The following PI4KB variants were observed in gnomAD, a reference collection of about 807,000 sequenced individuals.
PI4KB encodes PtdIns 4-kinase beta.
In PI4KB, 23 loss-of-function variants were observed where a neutral mutation model predicts 81.4. The ratio of observed to expected loss-of-function variants is 0.28; its 90% confidence interval spans 0.20 to 0.40. The LOEUF (loss-of-function observed/expected upper bound fraction) is 0.40, where lower values mean the gene tolerates loss of function less well. PI4KB is among the 10% of genes least tolerant of loss of function. The pLI is 1.00. For missense variants in PI4KB, 651 were observed against 1,036.6 expected (o/e 0.63, Z 5.11); for synonymous variants, 381 against 406.8 (o/e 0.94, Z 0.76).
In PI4KB at chr1:151,299,173, T is replaced by C. The variant is rs748231157; in HGVS notation, c.1750-100A>G. 8.9e-5 allele frequency: 98 copies of C among 1,101,276 alleles called. 1 individual carries two copies. The highest frequency in any genetic ancestry group is 1.1e-4 in the Non-Finnish European group (79 of 748,730). 68.2% of individuals were successfully genotyped at this position (1,101,276 alleles called of 1,614,324 possible). A position where few individuals can be genotyped will look rare whatever the true frequency, so the allele number is the denominator to read the frequency against. ...TCTCCAGCCTCTCTCCTTGGTAGCA[T>C]TGAATTCTAAGCCATCAAATGAGTA... is the stretch of plus-strand genomic sequence containing the variant. On this transcript the variant is annotated intron_variant, in intron 8 of 11. Coordinates refer to ENST00000368873, the MANE Select transcript of PI4KB (RefSeq NM_001369623.2).
chr1:151,302,243 C>G lies in PI4KB; in HGVS notation c.1576G>C (p.Glu526Gln). 1 of 1,614,218 alleles carries G rather than the reference C, an allele frequency of 6.2e-7. No individual in the cohort carries two copies. Among genetic ancestry groups the G allele is most frequent in the African/African-American group, 1.3e-5 (1 of 75,064 alleles). The change falls in exon 7 of 12, where the codon GAA becomes CAA. Residue 526 changes from glutamate (E) to glutamine (Q), a missense_variant. Glu to Gln is a conservative substitution (Grantham distance 29, BLOSUM62 2). This residue lies in a region of PI4KB where 246 missense variants were observed against 430.1 expected (regional missense o/e 0.57). Transcript: ENST00000368873. Reference protein sequence around the residue: ...HTPTAFKRDPEDPSAVALKEP... With the variant: ...HTPTAFKRDPQDPSAVALKEP... Reference sequence around the variant, plus strand: ...TTGAGAGCAACTGCAGAAGGATCTTCTGGGTCTCGTTTGAAGGCTGTCGGG... The same window carrying G: ...TTGAGAGCAACTGCAGAAGGATCTTGTGGGTCTCGTTTGAAGGCTGTCGGG...
In PI4KB at chr1:151,306,166, C is replaced by G. The variant is rs587601328; in HGVS notation, c.1380G>C (p.Ser460=). ...CTTGCAGCTCGCCTATGTCATCCAC[C>G]GACCAGGCCTCATCATCGTTGTCAT... ...PNYDNDDEAW[S]VDDIGELQVE... The change falls in exon 5 of 12, where the codon TCG becomes TCC. Residue 460 remains serine, a synonymous_variant. Coordinates refer to ENST00000368873, the MANE Select transcript of PI4KB (RefSeq NM_001369623.2). 1 of 1,614,096 alleles carries G rather than the reference C, an allele frequency of 6.2e-7. No homozygotes were observed. Among genetic ancestry groups the G allele is most frequent in the Non-Finnish European group, 8.5e-7 (1 of 1,179,970 alleles).
rs370123826 is a variant in PI4KB, at chr1:151,307,565, C to G, written c.1182+9G>C. 1.9e-6 allele frequency: 3 copies of G among 1,596,198 alleles called. No homozygotes were observed. Among genetic ancestry groups the G allele is most frequent in the Non-Finnish European group, 2.6e-6 (3 of 1,164,000 alleles). ...TCCAGGGTAGGGGTTTGGGCCAGAA[C>G]CCATCTACCTTGTCCTTGGAGTTGA... On this transcript the variant is annotated intron_variant, in intron 4 of 11. Transcript: ENST00000368873.
At chr1:151,315,100 TCCCAAGTAGCTGGGATTACACGCG>T (rs1370024734) in intron 2 of PI4KB, among the ~76,000 whole-genome samples, 9 of 152,156 alleles carry the variant, frequency 5.9e-5, no homozygotes, top group African/African-American at 2.2e-4. Context: ...TGTCTCAGCC[TCCCAAGTAGCTGGGATTACACGCG>T]CCCACCACCA....
rs587657819 is a variant in PI4KB at position 151,303,738 on chromosome 1, C to T, written c.1411-88G>A. On this transcript the variant is annotated intron_variant, in intron 5 of 11. Coordinates refer to ENST00000368873, the MANE Select transcript of PI4KB (RefSeq NM_001369623.2). Reference sequence around the variant, plus strand: ...GCTTGCTTGCTATCACTGCAGCATGCTCATCCCTCTCTTTCAAACTCTGCT... The same window carrying T: ...GCTTGCTTGCTATCACTGCAGCATGTTCATCCCTCTCTTTCAAACTCTGCT... 3.9e-5 allele frequency: 33 copies of T among 843,086 alleles called. No individual in the cohort carries two copies. The South Asian group carries it at 4.2e-4, about 11-fold the overall frequency. 52.2% of individuals were successfully genotyped at this position (843,086 alleles called of 1,614,324 possible).
intron 9 of PI4KB, among the ~76,000 whole-genome samples, chr1:151,295,994 C>T (rs750916835): frequency 2.8e-4 from 43 of 152,158 alleles, no homozygotes; most frequent in Admixed American, 4.6e-4. Flanking sequence ...GCCTGTAATC[C>T]CAGCACTTTG....
At chr1:151,313,247 T>G (rs1571197547) in intron 2 of PI4KB, among the ~76,000 whole-genome samples, 1 of 151,964 alleles carries the variant, frequency 6.6e-6, no homozygotes, top group East Asian at 1.9e-4. Flanking sequence ...AACGCAGGAG[T>G]GCCTGGGAAC....
intron 1 of PI4KB, among the ~76,000 whole-genome samples, chr1:151,324,283 G>A (rs1649309465): frequency 6.6e-6 from 1 of 152,144 alleles, no homozygotes; most frequent in African/African-American, 2.4e-5. Context: ...TTAAAGAGAG[G>A]TTGCTCCTCA....
chr1:151,293,703 A>C, intron 11 of PI4KB: 1 of 334,710 alleles, frequency 3.0e-6, no homozygotes, highest in Non-Finnish European at 5.6e-6. Context: ...ATGGAAGGAG[A>C]CTGAGAAACT....
In PI4KB at chr1:151,315,696, G is replaced by A. The variant is rs1056847; in HGVS notation, c.786C>T (p.Asp262=). 1,004,580 of 1,613,602 alleles carry A rather than the reference G, an allele frequency of 0.62. 317,456 individuals are homozygous for A. Among genetic ancestry groups the A allele is most frequent in the Non-Finnish European group, 0.65 (769,256 of 1,179,746 alleles). Residue 262 remains aspartate (D), a synonymous_variant, in exon 2 of 12, where the codon GAC becomes GAT. Transcript: ENST00000368873. ...RELPSLSPAP[D]TGLSPSKRTH... ...TCCTTTTGGAGGGAGACAGCCCTGT[G>A]TCAGGGGCCGGGCTCAAGGAGGGCA... is the stretch of plus-strand genomic sequence containing the variant.
At position 151,315,700 on chromosome 1, in the gene PI4KB, G is replaced by C; in HGVS notation, c.782C>G (p.Pro261Arg). 6.2e-7 allele frequency: 1 copy of C among 1,614,052 alleles called. No individual in the cohort carries two copies. Among genetic ancestry groups the C allele is most frequent in the Non-Finnish European group, 8.5e-7 (1 of 1,179,958 alleles). The change falls in exon 2 of 12, where the codon CCT becomes CGT. Residue 261 changes from proline to arginine, a missense_variant. By Grantham distance (103) the Pro-to-Arg change is moderately radical. Around this residue, in one of 5 missense-constraint regions of PI4KB, gnomAD observed 314 missense variants for 397.8 expected, o/e 0.79. Coordinates refer to ENST00000368873, the MANE Select transcript of PI4KB (RefSeq NM_001369623.2). ...TTTGGAGGGAGACAGCCCTGTGTCA[G>C]GGGCCGGGCTCAAGGAGGGCAGCTC... ...KRELPSLSPAPDTGLSPSKRT... is the reference protein window; with the variant it reads ...KRELPSLSPARDTGLSPSKRT...
At position 151,315,706 on chromosome 1, in the gene PI4KB, G is replaced by A. The variant is rs755803582; in HGVS notation, c.776C>T (p.Pro259Leu). 2.6e-5 allele frequency: 42 copies of A among 1,613,988 alleles called. No homozygotes were observed. The highest frequency in any genetic ancestry group is 4.0e-5 in the African/African-American group (3 of 74,914). Reference protein sequence around the residue: ...HRKRELPSLSPAPDTGLSPSK... With the variant: ...HRKRELPSLSLAPDTGLSPSK... The stretch of plus-strand genomic sequence containing the variant: ...GGGAGACAGCCCTGTGTCAGGGGCC[G>A]GGCTCAAGGAGGGCAGCTCCCTCTT... The change falls in exon 2 of 12, where the codon CCG (proline) becomes CTG (leucine). Residue 259 changes from proline to leucine, a missense_variant. This residue lies in a region of PI4KB where 314 missense variants were observed against 397.8 expected (regional missense o/e 0.79). Coordinates refer to ENST00000368873, the MANE Select transcript of PI4KB (RefSeq NM_001369623.2).
chr1:151,323,633 G>A (rs2102023463), intron 1 of PI4KB, among the ~76,000 whole-genome samples: 1 of 152,236 alleles, frequency 6.6e-6, no homozygotes, highest in East Asian at 1.9e-4. Flanking sequence ...GCTGAGGCAG[G>A]AGAACTGCTT....
In PI4KB at chr1:151,315,607, G is replaced by A; in HGVS notation, c.875C>T (p.Thr292Ile). ...SISLSSNLKR[T>I]ASNPKVENED... is the part of the protein sequence containing the mutation. ...ATTCTCCACTTTAGGGTTGCTGGCT[G>A]TTCGTTTCAGGTTGCTGCTGAGACT... The change falls in exon 2 of 12, where the codon ACA becomes ATA. Residue 292 changes from threonine to isoleucine, a missense_variant. By Grantham distance (89) the Thr-to-Ile change is moderately conservative (BLOSUM62 -1). Around this residue, in one of 5 missense-constraint regions of PI4KB, gnomAD observed 314 missense variants for 397.8 expected, o/e 0.79. Transcript: ENST00000368873. The A allele has an allele frequency of 6.2e-7, 1 of 1,614,074 alleles. No homozygotes were observed. The highest frequency in any genetic ancestry group is 8.5e-7 in the Non-Finnish European group (1 of 1,179,996).
At chr1:151,320,649 G>A (rs1164187922) in intron 1 of PI4KB, among the ~76,000 whole-genome samples, 1 of 152,200 alleles carries the variant, frequency 6.6e-6, no homozygotes, top group Admixed American at 6.5e-5. Context: ...ACTCGCAACT[G>A]TGAGTTGCAC....
At chr1:151,327,137 G>A (rs994695774) in intron 1 of PI4KB, 134 bp downstream of exon 1, 3 of 393,914 alleles carry the variant, frequency 7.6e-6, no homozygotes, top group African/African-American at 2.1e-5. Flanking sequence ...AAGGAACCCG[G>A]GGTGCAGCTG....
At chr1:151,305,418 C>A (rs1695674724) in intron 5 of PI4KB, among the ~76,000 whole-genome samples, 1 of 152,242 alleles carries the variant, frequency 6.6e-6, no homozygotes, top group South Asian at 2.1e-4. Flanking sequence ...TTACCTCACA[C>A]CTGCACATCA....
At chr1:151,325,596 G>C (rs1649493175) in intron 1 of PI4KB, among the ~76,000 whole-genome samples, 1 of 152,142 alleles carries the variant, frequency 6.6e-6, no homozygotes, top group African/African-American at 2.4e-5. Flanking sequence ...GAACAGGACA[G>C]AAAATCAGCC....
At chr1:151,304,488 C>T (rs1348367219) in intron 5 of PI4KB, among the ~76,000 whole-genome samples, 7 of 150,670 alleles carry the variant, frequency 4.6e-5, no homozygotes, top group African/African-American at 9.8e-5. Context: ...GGATTACAGG[C>T]GCGCGCCACC....
Sources: allele counts gnomAD v4.1 joint callset (sites outside exome capture counted in the v4.1 genomes callset), GRCh38; gene constraint gnomAD v4.1.1; regional missense constraint gnomAD v4.1.1; transcripts MANE v1.5; gene names NCBI Gene and HGNC (gene_info 2026-07-23, HGNC 2026-07-21).